Variants in RIT2 observed in about 807,000 individuals in gnomAD.
The protein encoded by RIT2 is GTP-binding protein Rit2.
In RIT2, 24 loss-of-function variants were observed where a neutral mutation model predicts 23.7. That is an observed-to-expected ratio of 1.01 (90% CI 0.73 to 1.43). RIT2 has a LOEUF of 1.43. Ranked by LOEUF, RIT2 falls within the 40% of genes most tolerant of loss-of-function variation. The probability of loss-of-function intolerance (pLI) is 0.00; values close to 1 mark genes in which losing one functional copy is unlikely to be tolerated. For synonymous variants in RIT2, 107 were observed against 91.1 expected (o/e 1.17, Z -0.99); for missense variants, 236 against 266.9 (o/e 0.88, Z 0.81).
At chr18:43,013,445 A>G (rs1911398699) in intron 2 of RIT2, among the ~76,000 whole-genome samples, 1 of 151,810 alleles carries the variant, frequency 6.6e-6, no homozygotes. Flanking sequence ...CCCAGTGGGG[A>G]GAATGTTGAA....
intron 1 of RIT2, among the ~76,000 whole-genome samples, chr18:43,075,821 C>A (rs117803288): frequency 0.022 from 3,373 of 152,164 alleles, 65 homozygotes; most frequent in South Asian, 0.035. Flanking sequence ...ATGCCCTTGC[C>A]TTTTTCAAGC....
intron 4 of RIT2, among the ~76,000 whole-genome samples, chr18:42,803,025 A>G (rs985205680): frequency 1.3e-5 from 2 of 152,142 alleles, no homozygotes; most frequent in African/African-American, 4.8e-5. Context: ...CTAAATCTTA[A>G]TTTCCACTTC....
At chr18:42,936,446 G>C (rs900220216) in intron 3 of RIT2, among the ~76,000 whole-genome samples, 1 of 152,108 alleles carries the variant, frequency 6.6e-6, no homozygotes, top group Admixed American at 6.6e-5. Context: ...AAGTTCAAGA[G>C]ATTGTTGTTA....
chr18:42,994,920 T>C (rs1296911879), intron 2 of RIT2, among the ~76,000 whole-genome samples: 2 of 152,130 alleles, frequency 1.3e-5, no homozygotes, highest in South Asian at 4.1e-4. Flanking sequence ...ACAATTACCA[T>C]TGTTCCTGGC....
intron 4 of RIT2, among the ~76,000 whole-genome samples, chr18:42,906,999 G>C (rs1435019806): frequency 6.6e-6 from 1 of 152,076 alleles, no homozygotes; most frequent in African/African-American, 2.4e-5. Flanking sequence ...GATGTTCTGT[G>C]GGGTCATTAT....
At chr18:42,998,548 G>A (rs1911037320) in intron 2 of RIT2, among the ~76,000 whole-genome samples, 2 of 151,952 alleles carry the variant, frequency 1.3e-5, no homozygotes, top group Admixed American at 1.3e-4. Flanking sequence ...AATAGGTTTT[G>A]GATTTTTTTT....
At chr18:42,814,744 C>T (rs1416671988) in intron 4 of RIT2, among the ~76,000 whole-genome samples, 1 of 152,194 alleles carries the variant, frequency 6.6e-6, no homozygotes, top group Non-Finnish European at 1.5e-5. Context: ...GTGCCACCTC[C>T]TGGCAGGAGG....
chr18:42,805,219 GA>G (rs1905649978), intron 4 of RIT2, among the ~76,000 whole-genome samples: 1 of 152,038 alleles, frequency 6.6e-6, no homozygotes, highest in African/African-American at 2.4e-5. Flanking sequence ...AACTTTTTAT[GA>G]AAAATAAATT....
At chr18:42,833,473 T>C (rs777584182) in intron 4 of RIT2, among the ~76,000 whole-genome samples, 16 of 152,192 alleles carry the variant, frequency 1.1e-4, no homozygotes, top group Non-Finnish European at 2.2e-4. Flanking sequence ...CTTTGATATA[T>C]TGAAGATCTT....
At chr18:42,863,027 C>T (rs1225652086) in intron 4 of RIT2, among the ~76,000 whole-genome samples, 1 of 148,490 alleles carries the variant, frequency 6.7e-6, no homozygotes, top group African/African-American at 2.6e-5. Context: ...ATTCACATGC[C>T]TCCTGTTTTT....
At chr18:42,979,242 T>A (rs1254269166) in intron 2 of RIT2, among the ~76,000 whole-genome samples, 1 of 152,028 alleles carries the variant, frequency 6.6e-6, no homozygotes, top group African/African-American at 2.4e-5. Flanking sequence ...TTTACATAAT[T>A]TTAAAATATT....
At chr18:42,762,133 G>A (rs769755936) in intron 4 of RIT2, among the ~76,000 whole-genome samples, 8 of 152,136 alleles carry the variant, frequency 5.3e-5, no homozygotes, top group Admixed American at 1.3e-4. Flanking sequence ...ATAATTCTCT[G>A]TGAATTTTAT....
chr18:42,775,760 G>A (rs189072317), intron 4 of RIT2, among the ~76,000 whole-genome samples: 4 of 151,770 alleles, frequency 2.6e-5, no homozygotes, highest in East Asian at 1.9e-4. Context: ...AAACAGTGAC[G>A]TCAGGACCAA....
chr18:42,989,611 C>T lies in RIT2; in HGVS notation c.161-15464G>A, dbSNP rs868060958. 1.8e-4 allele frequency among the ~76,000 whole-genome samples: 27 copies of T among 152,188 alleles called. 1 individual carries two copies. The highest frequency in any genetic ancestry group is 3.4e-3 in the Middle Eastern group (1 of 294). ...CATGGTTCATATTACACTTAGAGAA[C>T]GTGTCAATTTGGACTAGTCACATGT... On this transcript the variant is annotated intron_variant, in intron 2 of 4. Transcript: ENST00000326695.
At chr18:42,925,098 C>T (rs1328892270) in intron 3 of RIT2, among the ~76,000 whole-genome samples, 1 of 152,042 alleles carries the variant, frequency 6.6e-6, no homozygotes, top group Non-Finnish European at 1.5e-5. Context: ...GGTCAAAAAA[C>T]TCATGTTACC....
intron 4 of RIT2, among the ~76,000 whole-genome samples, chr18:42,776,710 G>A (rs1913680227): frequency 6.6e-6 from 1 of 151,818 alleles, no homozygotes; most frequent in South Asian, 2.1e-4. Context: ...TTTTGCACAA[G>A]AGCCTAAATT....
intron 2 of RIT2, among the ~76,000 whole-genome samples, chr18:43,026,573 T>TAAGA (rs199513808): frequency 0.054 from 4,203 of 77,210 alleles, 115 homozygotes; most frequent in East Asian, 0.087. Flanking sequence ...AAGAAATAAA[T>TAAGA]AAGAAAGAAA....
At chr18:42,956,501 AT>A (rs1909972986) in intron 3 of RIT2, among the ~76,000 whole-genome samples, 1 of 152,154 alleles carries the variant, frequency 6.6e-6, no homozygotes, top group Admixed American at 6.6e-5. Context: ...TTGAAATTTG[AT>A]TTCCTCTCTG....
chr18:42,748,043 C>T (rs1912959059), intron 4 of RIT2, among the ~76,000 whole-genome samples: 1 of 151,986 alleles, frequency 6.6e-6, no homozygotes, highest in Non-Finnish European at 1.5e-5. Flanking sequence ...ATACTTGGGA[C>T]TTAATTAAAC....
Sources: gnomAD v4.1 joint callset for allele counts (sites outside exome capture counted in the v4.1 genomes callset) on GRCh38, gnomAD v4.1.1 for gene constraint, MANE v1.5 for transcripts, NCBI Gene and HGNC (gene_info 2026-07-23, HGNC 2026-07-21) for gene names.